STK39: variants seen among roughly 807,000 people sequenced by gnomAD.
STK39 encodes serine/threonine kinase 39.
A neutral mutation model predicts 77.8 loss-of-function variants in STK39; 20 were observed. That is an observed-to-expected ratio of 0.26 (90% CI 0.18 to 0.37). The LOEUF (loss-of-function observed/expected upper bound fraction) is 0.37. Ranked by LOEUF, STK39 falls within the 10% of genes least tolerant of loss-of-function variation. STK39 has a pLI of 1.00. For synonymous variants in STK39, 246 were observed against 234.1 expected (o/e 1.05, Z -0.47); for missense variants, 479 against 656.5 (o/e 0.73, Z 2.95).
chr2:168,056,006 C>T (rs1685514601), intron 14 of STK39, among the ~76,000 whole-genome samples: 2 of 151,986 alleles, frequency 1.3e-5, no homozygotes, highest in South Asian at 4.2e-4. Context: ...ATCATATATA[C>T]TATGGACAAA....
intron 14 of STK39, among the ~76,000 whole-genome samples, chr2:168,025,261 T>C (rs1559062528): frequency 6.6e-6 from 1 of 152,194 alleles, no homozygotes; most frequent in Non-Finnish European, 1.5e-5. Flanking sequence ...ATCAACTACC[T>C]ATATGGTATC....
At chr2:168,167,484 G>C in intron 2 of STK39, 77 bp from the exon 3 acceptor site, 1 of 1,299,858 alleles carries the variant, frequency 7.7e-7, no homozygotes, top group South Asian at 1.2e-5. Context: ...TCACAGTTGA[G>C]TACCTGGGTA....
At chr2:167,962,561 C>A (rs1559035115) in intron 17 of STK39, among the ~76,000 whole-genome samples, 1 of 152,202 alleles carries the variant, frequency 6.6e-6, no homozygotes, top group Non-Finnish European at 1.5e-5. Flanking sequence ...CACCACACTA[C>A]TACGTTTTCA....
At chr2:168,147,297 T>C (rs984395101) in intron 5 of STK39, among the ~76,000 whole-genome samples, 4 of 152,228 alleles carry the variant, frequency 2.6e-5, no homozygotes, top group Non-Finnish European at 4.4e-5. Flanking sequence ...ATTGAAATGT[T>C]CTTCTAAACA....
intron 1 of STK39, among the ~76,000 whole-genome samples, chr2:168,227,231 A>T (rs1313644340): frequency 6.6e-6 from 1 of 152,252 alleles, no homozygotes; most frequent in Non-Finnish European, 1.5e-5. Context: ...GATACACACC[A>T]AACTGGCCAT....
chr2:168,134,584 G>C (rs1403157064), intron 8 of STK39, among the ~76,000 whole-genome samples: 3 of 151,854 alleles, frequency 2.0e-5, no homozygotes, highest in Admixed American at 1.3e-4. Context: ...CAAGATTAAG[G>C]CTCTTTTATT....
At chr2:168,069,803 A>G (rs1685892875) in intron 12 of STK39, among the ~76,000 whole-genome samples, 1 of 152,166 alleles carries the variant, frequency 6.6e-6, no homozygotes, top group African/African-American at 2.4e-5. Flanking sequence ...TAGACACTGC[A>G]TTTTTAAAGG....
At chr2:168,084,944 T>G (rs1686328909) in intron 10 of STK39, among the ~76,000 whole-genome samples, 1 of 152,212 alleles carries the variant, frequency 6.6e-6, no homozygotes, top group Non-Finnish European at 1.5e-5. Flanking sequence ...GCAGAACCTC[T>G]GCATTAAATA....
chr2:168,187,706 ATTCAGCCCTCC>A, intron 1 of STK39, among the ~76,000 whole-genome samples: 1 of 152,324 alleles, frequency 6.6e-6, no homozygotes, highest in East Asian at 1.9e-4. Context: ...ACCATAATTT[ATTCAGCCCTCC>A]TTCTGTTGAT....
chr2:168,024,990 T>A (rs150181966), intron 14 of STK39, among the ~76,000 whole-genome samples: 1 of 152,324 alleles, frequency 6.6e-6, no homozygotes, highest in East Asian at 1.9e-4. Flanking sequence ...GTTGAACAGA[T>A]GAATGAATGC....
intron 1 of STK39, among the ~76,000 whole-genome samples, chr2:168,209,575 T>C (rs1341172871): frequency 6.6e-6 from 1 of 152,010 alleles, no homozygotes; most frequent in East Asian, 1.9e-4. Flanking sequence ...ACTTACTCGG[T>C]TGGCTGGGGC....
Position 168,177,222 on chromosome 2 carries a change from G to A in STK39, c.321+4756C>T, listed in dbSNP as rs551088293. On this transcript the variant is annotated intron_variant, in intron 2 of 17. Coordinates refer to ENST00000355999, the MANE Select transcript of STK39 (RefSeq NM_013233.3). ...AATGAGCATTCCATAATTTCATAAC[G>A]TAATCACTTAATTATTTCTTTCATT... 2.6e-4 allele frequency among the ~76,000 whole-genome samples: 39 copies of A among 152,132 alleles called. No individual in the cohort carries two copies. In the South Asian group the frequency reaches 2.7e-3, roughly 11 times the overall value.
chr2:168,189,640 A>G lies in STK39; in HGVS notation c.209-7550T>C, dbSNP rs139228348. 1.2e-4 allele frequency among the ~76,000 whole-genome samples: 18 copies of G among 152,334 alleles called. No homozygotes were observed. The East Asian group carries it at 3.1e-3, about 26-fold the overall frequency. Reference sequence around the variant, plus strand: ...AAAGAACAGACTCTAATTTCCATCTAATTCAACGTGATTAATATTGGAATT... The same window carrying G: ...AAAGAACAGACTCTAATTTCCATCTGATTCAACGTGATTAATATTGGAATT... On this transcript the variant is annotated intron_variant, in intron 1 of 17. Coordinates refer to ENST00000355999, the MANE Select transcript of STK39 (RefSeq NM_013233.3).
intron 10 of STK39, among the ~76,000 whole-genome samples, chr2:168,105,967 C>T (rs1199168025): frequency 6.6e-6 from 1 of 152,198 alleles, no homozygotes; most frequent in Non-Finnish European, 1.5e-5. Flanking sequence ...ATCATGACTC[C>T]TACATATACA....
intron 14 of STK39, among the ~76,000 whole-genome samples, chr2:168,042,697 A>G (rs565099684): frequency 6.6e-5 from 10 of 150,926 alleles, no homozygotes; most frequent in African/African-American, 2.4e-4. Flanking sequence ...TCTCTGCCTC[A>G]GCCTCCCGAG....
chr2:168,162,955 A>G (rs930336314), intron 4 of STK39, among the ~76,000 whole-genome samples: 1 of 151,914 alleles, frequency 6.6e-6, no homozygotes, highest in Non-Finnish European at 1.5e-5. Context: ...TGAACTCGGG[A>G]GGCAGAGGTT....
At chr2:168,159,935 C>G (rs989761500) in intron 5 of STK39, among the ~76,000 whole-genome samples, 2 of 152,170 alleles carry the variant, frequency 1.3e-5, no homozygotes, top group African/African-American at 4.8e-5. Context: ...CTCAGCAGCC[C>G]GCACAGTGCA....
intron 10 of STK39, among the ~76,000 whole-genome samples, chr2:168,077,934 C>T (rs1392314309): frequency 1.3e-5 from 2 of 151,238 alleles, no homozygotes; most frequent in African/African-American, 2.4e-5. Context: ...GAAAAGCTTC[C>T]ATCTTCCCCA....
intron 2 of STK39, among the ~76,000 whole-genome samples, chr2:168,173,963 C>G (rs1688892816): frequency 6.6e-6 from 1 of 152,206 alleles, no homozygotes; most frequent in Non-Finnish European, 1.5e-5. Flanking sequence ...AACATTTTGT[C>G]TTGTACCACT....
Sources: allele counts gnomAD v4.1 joint callset (sites outside exome capture counted in the v4.1 genomes callset), GRCh38; gene constraint gnomAD v4.1.1; transcripts MANE v1.5; gene names NCBI Gene and HGNC (gene_info 2026-07-23, HGNC 2026-07-21).